GPM6B: variants seen among roughly 807,000 people sequenced by gnomAD.
GPM6B encodes neuronal membrane glycoprotein M6-b.
Under a neutral mutation model 27.2 loss-of-function variants are expected in GPM6B, and 4 were observed. The observed-to-expected ratio is 0.15, with a 90% CI of 0.07 to 0.34. The LOEUF (loss-of-function observed/expected upper bound fraction) is 0.34, where lower values mean the gene tolerates loss of function less well. Among genes scored for constraint, GPM6B ranks in the 10% least tolerant of loss-of-function variants. The pLI, the probability that GPM6B is intolerant of heterozygous loss-of-function variation, is 1.00. For synonymous variants in GPM6B, 124 were observed against 103.1 expected (o/e 1.20, Z -1.23); for missense variants, 183 against 261.9 (o/e 0.70, Z 2.08).
chrX:13,793,295 C>G (rs1215387684), intron 2 of GPM6B, among the ~76,000 whole-genome samples: 2 of 111,061 alleles, frequency 1.8e-5, no homozygotes, highest in Admixed American at 1.9e-4. Context: ...CCTCTGACCC[C>G]CTTTGAGTTG....
At chrX:13,915,819 T>C (rs1210198333) in intron 1 of GPM6B, among the ~76,000 whole-genome samples, 1 of 112,730 alleles carries the variant, frequency 8.9e-6, no homozygotes. Flanking sequence ...TATGTACATG[T>C]ATATATGTAT....
chrX:13,842,733 G>GA (rs200214254), intron 1 of GPM6B, among the ~76,000 whole-genome samples: 2,126 of 110,136 alleles, frequency 0.019, 58 homozygotes, highest in African/African-American at 0.06. Context: ...TTTTTTAAAA[G>GA]AAAAAAAATT....
rs1921907975 is a variant in GPM6B, at chrX:13,937,719, C to T, written c.-198+608G>A. On this transcript the variant is annotated intron_variant, in intron 1 of 6. Transcript: ENST00000398361. ...AGACATGTTGCTGACGGCAGCATTTCAGGGTGTTAGGAAGTGACAAAAAGA... is the reference window on the plus strand; with the variant it reads ...AGACATGTTGCTGACGGCAGCATTTTAGGGTGTTAGGAAGTGACAAAAAGA... Among the ~76,000 whole-genome samples, 3 of 111,480 alleles carry T rather than the reference C, an allele frequency of 2.7e-5. No individual in the cohort carries two copies. In the Admixed American group the frequency reaches 2.9e-4, roughly 11 times the overall value.
chrX:13,801,938 T>C (rs1023132317), intron 2 of GPM6B, among the ~76,000 whole-genome samples: 11 of 111,181 alleles, frequency 9.9e-5, no homozygotes, highest in African/African-American at 3.6e-4. Flanking sequence ...AGCCAATTCA[T>C]ATAAGCTTTT....
chrX:13,931,393 CG>C (rs1921538117), intron 1 of GPM6B, among the ~76,000 whole-genome samples: 1 of 108,523 alleles, frequency 9.2e-6, no homozygotes, highest in African/African-American at 3.4e-5. Flanking sequence ...GAGGCTGAGG[CG>C]AGAGAATGGC....
chrX:13,828,847 G>T (rs575116945), intron 1 of GPM6B, among the ~76,000 whole-genome samples: 15 of 111,826 alleles, frequency 1.3e-4, no homozygotes, highest in African/African-American at 4.9e-4. Flanking sequence ...CTTCATGACA[G>T]TATCCATCCC....
chrX:13,860,440 T>G (rs961301880), intron 1 of GPM6B, among the ~76,000 whole-genome samples: 3 of 99,889 alleles, frequency 3.0e-5, no homozygotes, highest in African/African-American at 7.7e-5. Flanking sequence ...AACGTGGGGT[T>G]TTTTTTTTTT....
At chrX:13,773,163 GCAGAGCTGT>G in intron 7 of GPM6B, 133 bp from the exon 8 acceptor site, 1 of 487,567 alleles carries the variant, frequency 2.1e-6, no homozygotes, top group Non-Finnish European at 3.3e-6. Context: ...CGCTCTACTA[GCAGAGCTGT>G]CAGATCCTGA....
At position 13,771,749 on chromosome X, in the gene GPM6B, T is replaced by C. The variant is rs1217180040; in HGVS notation, c.*1132A>G. On this transcript the variant is annotated 3_prime_UTR_variant, in exon 8 of 8. Transcript: ENST00000316715. ...GAACACAATAATGTAAAAGGCAAGT[T>C]TCTTTTGAAAATGGCTTAAACTCAA... is the stretch of plus-strand genomic sequence containing the variant. The C allele has an allele frequency of 8.9e-6, 1 of 112,462 alleles. No individual in the cohort carries two copies. Among genetic ancestry groups the C allele is most frequent in the Non-Finnish European group, 1.9e-5 (1 of 53,190 alleles). The allele number at this position is 112,462 out of a possible 1,213,427, so 9.3% of individuals were successfully genotyped here. A position where few individuals can be genotyped will look rare whatever the true frequency, so the allele number is the denominator to read the frequency against.
Position 13,907,801 on chromosome X carries a change from T to C in GPM6B, c.-198+30526A>G, listed in dbSNP as rs1458741885. On this transcript the variant is annotated intron_variant, in intron 1 of 6. Transcript: ENST00000398361. ...TTCAAATAACACCTATTAATGTATT[T>C]TATTTCCAGAGGACTCTCTCAAGTC... 2.7e-5 allele frequency among the ~76,000 whole-genome samples: 3 copies of C among 112,661 alleles called. No homozygotes were observed. In the South Asian group the frequency reaches 1.1e-3, roughly 41 times the overall value.
chrX:13,923,421 A>G (rs1448990591), intron 1 of GPM6B, among the ~76,000 whole-genome samples: 1 of 112,312 alleles, frequency 8.9e-6, no homozygotes, highest in Non-Finnish European at 1.9e-5. Context: ...TTGTTGAGGA[A>G]TAAGAATATT....
chrX:13,901,109 A>G (rs911174723), intron 1 of GPM6B, among the ~76,000 whole-genome samples: 2 of 112,008 alleles, frequency 1.8e-5, no homozygotes, highest in Admixed American at 9.5e-5. Flanking sequence ...AGTTGAATGT[A>G]AATCTGAACA....
In GPM6B at chrX:13,890,644, T is replaced by C. The variant is rs1224729460; in HGVS notation, c.-198+47683A>G. On this transcript the variant is annotated intron_variant, in intron 1 of 6. Transcript: ENST00000398361. ...ACCATCGATACTTGGGGCCCTTTCA[T>C]TCTTTGCTGTGGGGAGCTGTTGCAC... 6.3e-5 allele frequency among the ~76,000 whole-genome samples: 7 copies of C among 111,152 alleles called. No homozygotes were observed. In the East Asian group the frequency reaches 2.0e-3, roughly 32 times the overall value.
chrX:13,918,851 A>G (rs749472785), intron 1 of GPM6B, among the ~76,000 whole-genome samples: 51 of 111,972 alleles, frequency 4.6e-4, no homozygotes, highest in African/African-American at 1.6e-3. Context: ...GTACCAAGGC[A>G]GATGGTGCTA....
upstream of GPM6B, chrX:13,938,617 CCGGGCTTCTGCGGGCTGCGCTGCGCTGCG>C (rs1267292328): frequency 7.9e-6 from 3 of 378,020 alleles, no homozygotes; most frequent in Non-Finnish European, 1.2e-5. Flanking sequence ...CGTGCGCTGA[CCGGGCTTCTGCGGGCTGCGCTGCGCTGCG>C]CGGGGCTGGC....
At position 13,771,586 on chromosome X, in the gene GPM6B, T is replaced by A. The variant is rs1353345849; in HGVS notation, c.*1295A>T. On this transcript the variant is annotated 3_prime_UTR_variant, in exon 8 of 8. Transcript: ENST00000316715. ...CCACAAGTTAACTCTTAACAATGAA[T>A]ATACATAGTTAACCCTATAGTAAGC... The A allele has an allele frequency of 8.9e-6, 1 of 111,964 alleles. No homozygotes were observed. Among genetic ancestry groups the A allele is most frequent in the Non-Finnish European group, 1.9e-5 (1 of 53,074 alleles). The allele number at this position is 111,964 out of a possible 1,213,427, so 9.2% of individuals were successfully genotyped here.
chrX:13,829,859 ATTT>A (rs34742721), intron 1 of GPM6B, among the ~76,000 whole-genome samples: 3,139 of 88,422 alleles, frequency 0.036, 134 homozygotes, highest in African/African-American at 0.11. Context: ...TCTGTCCTGA[ATTT>A]TTTTTTTTTT....
At chrX:13,861,616 C>T (rs1445518724) in intron 1 of GPM6B, among the ~76,000 whole-genome samples, 1 of 111,513 alleles carries the variant, frequency 9.0e-6, no homozygotes, top group Non-Finnish European at 1.9e-5. Flanking sequence ...TTGAAAAAGC[C>T]GACGAATACT....
intron 4 of GPM6B, chrX:13,781,060 C>G: frequency 4.0e-6 from 1 of 248,404 alleles, no homozygotes; most frequent in Non-Finnish European, 7.9e-6. Flanking sequence ...CCCACTTCCT[C>G]CCACTGCTGC....
Sources: allele counts gnomAD v4.1 joint callset (sites outside exome capture counted in the v4.1 genomes callset), GRCh38; gene constraint gnomAD v4.1.1; transcripts MANE v1.5; gene names NCBI Gene and HGNC (gene_info 2026-07-23, HGNC 2026-07-21).